The following PXDNL variants were observed in gnomAD, a reference collection of about 807,000 sequenced individuals.
The protein encoded by PXDNL is probable oxidoreductase PXDNL.
PXDNL carries 145 observed loss-of-function variants against 150.8 expected under a neutral mutation model. The ratio of observed to expected loss-of-function variants is 0.96; its 90% confidence interval spans 0.84 to 1.10. The LOEUF is 1.10. Among genes scored for constraint, PXDNL ranks in the 50% least tolerant of loss-of-function variants. The pLI is 0.00. For synonymous variants in PXDNL, 757 were observed against 725.7 expected (o/e 1.04, Z -0.69); for missense variants, 2,087 against 1,873.9 (o/e 1.11, Z -2.10).
At chr8:51,439,824 CAAAAAAAAAA>C (rs36102488) in intron 12 of PXDNL, among the ~76,000 whole-genome samples, 27 of 101,558 alleles carry the variant, frequency 2.7e-4, no homozygotes, top group Non-Finnish European at 1.1e-4. Flanking sequence ...GACTCCATCT[CAAAAAAAAAA>C]AAAAAAAAAG....
chr8:51,634,802 G>A (rs750505331), intron 2 of PXDNL, among the ~76,000 whole-genome samples: 1 of 152,048 alleles, frequency 6.6e-6, no homozygotes, highest in Non-Finnish European at 1.5e-5. Flanking sequence ...GTATAGAAAT[G>A]ATATTGATTT....
intron 4 of PXDNL, among the ~76,000 whole-genome samples, chr8:51,549,958 G>A (rs1230801941): frequency 6.6e-6 from 1 of 151,984 alleles, no homozygotes; most frequent in Non-Finnish European, 1.5e-5. Context: ...GAAAAGAAGG[G>A]AGAAGATCCA....
chr8:51,477,569 C>T (rs1173694070), intron 6 of PXDNL, among the ~76,000 whole-genome samples: 2 of 152,180 alleles, frequency 1.3e-5, no homozygotes, highest in African/African-American at 2.4e-5. Flanking sequence ...TCGAAGTTCA[C>T]ATTTATATTT....
intron 5 of PXDNL, among the ~76,000 whole-genome samples, chr8:51,497,407 T>C (rs1214639558): frequency 6.6e-6 from 1 of 152,128 alleles, no homozygotes; most frequent in African/African-American, 2.4e-5. Context: ...CCAAAAGCAA[T>C]GGCAACAAAA....
chr8:51,549,017 C>G (rs1294112196), intron 4 of PXDNL, among the ~76,000 whole-genome samples: 1 of 152,102 alleles, frequency 6.6e-6, no homozygotes, highest in Admixed American at 6.5e-5. Flanking sequence ...CAAAAGCAAG[C>G]AGGAATAGCT....
intron 6 of PXDNL, among the ~76,000 whole-genome samples, chr8:51,479,650 G>A (rs1227803941): frequency 6.6e-6 from 1 of 152,146 alleles, no homozygotes; most frequent in East Asian, 1.9e-4. Context: ...TTACAAGTGG[G>A]AGCTAAATAA....
At chr8:51,459,965 T>C (rs1460524411) in intron 8 of PXDNL, among the ~76,000 whole-genome samples, 1 of 152,066 alleles carries the variant, frequency 6.6e-6, no homozygotes, top group Non-Finnish European at 1.5e-5. Flanking sequence ...CTATCTTCTA[T>C]GGTCACGCAC....
At chr8:51,676,482 G>T (rs903119121) in intron 1 of PXDNL, among the ~76,000 whole-genome samples, 1 of 151,942 alleles carries the variant, frequency 6.6e-6, no homozygotes, top group Admixed American at 6.6e-5. Flanking sequence ...TCACCATGTT[G>T]GCCAGGCTGG....
intron 9 of PXDNL, among the ~76,000 whole-genome samples, chr8:51,456,474 T>A (rs1809940220): frequency 6.6e-6 from 1 of 152,208 alleles, no homozygotes. Flanking sequence ...TCCACTGGGA[T>A]GGGCTGGAGC....
At chr8:51,708,478 A>G (rs1816428511) in intron 1 of PXDNL, among the ~76,000 whole-genome samples, 1 of 152,272 alleles carries the variant, frequency 6.6e-6, no homozygotes, top group African/African-American at 2.4e-5. Flanking sequence ...TAAAAGAAAC[A>G]GAACCCTTAT....
intron 2 of PXDNL, among the ~76,000 whole-genome samples, chr8:51,612,608 T>C (rs1814035441): frequency 6.6e-6 from 1 of 152,120 alleles, no homozygotes; most frequent in Admixed American, 6.5e-5. Context: ...GATCAGGTCA[T>C]GAGGGAGGAG....
At chr8:51,464,020 T>TAA (rs5891415) in intron 8 of PXDNL, among the ~76,000 whole-genome samples, 1 of 132,672 alleles carries the variant, frequency 7.5e-6, no homozygotes, top group Non-Finnish European at 1.7e-5. Context: ...CTAAAGGAAC[T>TAA]AAAAAAAAAA....
At chr8:51,615,577 A>G (rs1318209525) in intron 2 of PXDNL, among the ~76,000 whole-genome samples, 1 of 152,250 alleles carries the variant, frequency 6.6e-6, no homozygotes, top group Non-Finnish European at 1.5e-5. Flanking sequence ...AAAGTCCTAC[A>G]TAAATCTATA....
chr8:51,384,476 A>G (rs969035647), intron 17 of PXDNL, among the ~76,000 whole-genome samples: 1 of 152,200 alleles, frequency 6.6e-6, no homozygotes, highest in Non-Finnish European at 1.5e-5. Flanking sequence ...ACTTTTTATT[A>G]AAAGCTATCT....
intron 1 of PXDNL, among the ~76,000 whole-genome samples, chr8:51,753,223 G>A (rs982830635): frequency 4.6e-5 from 7 of 152,132 alleles, no homozygotes; most frequent in Non-Finnish European, 8.8e-5. Flanking sequence ...TTTATCCAAA[G>A]CTATAATGTG....
chr8:51,447,726 A>G (rs1809708166), intron 11 of PXDNL, among the ~76,000 whole-genome samples: 1 of 152,220 alleles, frequency 6.6e-6, no homozygotes, highest in African/African-American at 2.4e-5. Context: ...ATTAACAATT[A>G]AATGAGATTA....
chr8:51,768,264 T>C (rs2129240500), intron 1 of PXDNL, among the ~76,000 whole-genome samples: 1 of 152,202 alleles, frequency 6.6e-6, no homozygotes, highest in East Asian at 1.9e-4. Context: ...TCAGTGTTTT[T>C]TTTTTTTTGT....
At chr8:51,552,120 A>G (rs1402169145) in intron 4 of PXDNL, among the ~76,000 whole-genome samples, 1 of 152,212 alleles carries the variant, frequency 6.6e-6, no homozygotes, top group Non-Finnish European at 1.5e-5. Context: ...TCAAAACCAC[A>G]ATGCGATACT....
chr8:51,743,941 AG>A (rs748800288), intron 1 of PXDNL, among the ~76,000 whole-genome samples: 788 of 23,264 alleles, frequency 0.034, 4 homozygotes, highest in Middle Eastern at 0.083. Context: ...GGAAGGAAGG[AG>A]AGAAAGAGAG....
Sources: gnomAD v4.1 joint callset for allele counts (sites outside exome capture counted in the v4.1 genomes callset) on GRCh38, gnomAD v4.1.1 for gene constraint, MANE v1.5 for transcripts, NCBI Gene and HGNC (gene_info 2026-07-23, HGNC 2026-07-21) for gene names.